Variants in NDST4 observed in about 807,000 individuals in gnomAD.
NDST4 encodes the protein N-deacetylase and N-sulfotransferase 4.
NDST4 carries 63 observed loss-of-function variants against 100.8 expected under a neutral mutation model. The ratio of observed to expected loss-of-function variants is 0.62; its 90% CI spans 0.51 to 0.77. The LOEUF (loss-of-function observed/expected upper bound fraction) is 0.77, where lower values mean the gene tolerates loss of function less well. Ranked by LOEUF, NDST4 falls within the 30% of genes least tolerant of loss-of-function variation. NDST4 has a pLI of 0.00. For synonymous variants in NDST4, 377 were observed against 361.8 expected, an observed-to-expected ratio of 1.04 and a Z score of -0.48; for missense variants, 943 against 1,018.4, an observed-to-expected ratio of 0.93 and a Z score of 1.01.
chr4:114,856,469 A>G (rs1304597134), intron 7 of NDST4, among the ~76,000 whole-genome samples: 1 of 152,220 alleles, frequency 6.6e-6, no homozygotes, highest in Non-Finnish European at 1.5e-5. Flanking sequence ...TTTGACAAAT[A>G]CTTTTAAATA....
intron 4 of NDST4, among the ~76,000 whole-genome samples, chr4:114,946,945 A>G (rs1349682922): frequency 1.3e-5 from 2 of 152,162 alleles, no homozygotes; most frequent in Non-Finnish European, 1.5e-5. Context: ...AGTTGTAATA[A>G]CAGAAGTATG....
chr4:114,901,467 G>C (rs532306732), intron 6 of NDST4, among the ~76,000 whole-genome samples: 14 of 151,976 alleles, frequency 9.2e-5, no homozygotes, highest in African/African-American at 3.4e-4. Flanking sequence ...CTTTTGACTA[G>C]TGTTAGAATG....
At chr4:114,893,078 TC>T (rs200758891) in intron 6 of NDST4, among the ~76,000 whole-genome samples, 2,059 of 152,214 alleles carry the variant, frequency 0.014, 45 homozygotes, top group African/African-American at 0.047. Flanking sequence ...ATGATCTCAT[TC>T]CTTTTTATGG....
chr4:114,868,686 T>C (rs1041558777), intron 7 of NDST4, among the ~76,000 whole-genome samples: 2 of 151,858 alleles, frequency 1.3e-5, no homozygotes, highest in Admixed American at 6.6e-5. Flanking sequence ...AGTAACCATA[T>C]AAATAATATA....
rs144648909 is a variant in NDST4, at chr4:114,860,393, G to T, written c.1720-7572C>A. ...CATCCCCTATTTAGCTTATTATGCA[G>T]ATTCCCAGCTAGAGAGTATATTTCA... is the stretch of plus-strand genomic sequence containing the variant. On this transcript the variant is annotated intron_variant, in intron 7 of 13. Transcript: ENST00000264363. 2.0e-5 allele frequency among the ~76,000 whole-genome samples: 3 copies of T among 152,196 alleles called. No homozygotes were observed. The East Asian group carries it at 5.8e-4, about 29-fold the overall frequency.
At chr4:114,852,920 C>T (rs1177480795) in intron 7 of NDST4, 99 bp from the exon 8 acceptor site, 3 of 723,874 alleles carry the variant, frequency 4.1e-6, no homozygotes, top group Non-Finnish European at 4.5e-6. Flanking sequence ...TGGCCTAATA[C>T]CTTAGAACTT....
chr4:115,076,990 A>G lies in NDST4; in HGVS notation c.47T>C (p.Val16Ala), dbSNP rs1578504630. The change falls in exon 2 of 14, where the codon GTT becomes GCT. Residue 16 changes from valine (V) to alanine (A), a missense_variant. By Grantham distance (64) the Val-to-Ala change is moderately conservative. This residue lies in a region of NDST4 where 417 missense variants were observed against 384.2 expected (regional missense o/e 1.09). Coordinates refer to ENST00000264363, the MANE Select transcript of NDST4 (RefSeq NM_022569.3). ...KLRRSFRTLIVLLATFCLVSI... is the reference protein window; with the variant it reads ...KLRRSFRTLIALLATFCLVSI... ...CACCAAGCAAAAGGTAGCTAAGAGAACAATCAATGTTCGAAAACTTCTCCG... is the reference window on the plus strand; with the variant it reads ...CACCAAGCAAAAGGTAGCTAAGAGAGCAATCAATGTTCGAAAACTTCTCCG... 1 of 1,610,862 alleles carries G rather than the reference A, an allele frequency of 6.2e-7. No homozygotes were observed. Among genetic ancestry groups the G allele is most frequent in the Non-Finnish European group, 8.5e-7 (1 of 1,178,852 alleles).
At chr4:114,979,713 T>G (rs980207122) in intron 2 of NDST4, among the ~76,000 whole-genome samples, 1 of 151,994 alleles carries the variant, frequency 6.6e-6, no homozygotes, top group African/African-American at 2.4e-5. Flanking sequence ...GATGGGGGGC[T>G]AGTTAGCTAT....
intron 13 of NDST4, among the ~76,000 whole-genome samples, chr4:114,828,199 G>T (rs933887337): frequency 6.6e-6 from 1 of 152,016 alleles, no homozygotes; most frequent in Non-Finnish European, 1.5e-5. Flanking sequence ...GATATATGAA[G>T]TCTACACAGA....
intron 2 of NDST4, among the ~76,000 whole-genome samples, chr4:115,020,378 A>G (rs1261223207): frequency 3.3e-5 from 5 of 152,114 alleles, no homozygotes. Context: ...AAAAGGCAGA[A>G]TTTAAGAGTG....
At chr4:114,831,237 A>G (rs1049793471) in intron 12 of NDST4, among the ~76,000 whole-genome samples, 1 of 150,308 alleles carries the variant, frequency 6.7e-6, no homozygotes, top group Non-Finnish European at 1.5e-5. Context: ...TATTTTTAGT[A>G]GAGACGGGGT....
intron 7 of NDST4, among the ~76,000 whole-genome samples, chr4:114,861,891 C>T (rs1053333350): frequency 1.3e-5 from 2 of 152,140 alleles, no homozygotes; most frequent in African/African-American, 4.8e-5. Flanking sequence ...CTTCTTCCCA[C>T]TCTTGTCTCT....
intron 1 of NDST4, among the ~76,000 whole-genome samples, chr4:115,088,011 T>G (rs956468858): frequency 6.6e-6 from 1 of 151,974 alleles, no homozygotes; most frequent in South Asian, 2.1e-4. Context: ...ACACTTAGAT[T>G]ATGATAGTTA....
chr4:114,890,622 C>T (rs1409849647), intron 6 of NDST4, among the ~76,000 whole-genome samples: 1 of 152,076 alleles, frequency 6.6e-6, no homozygotes, highest in Non-Finnish European at 1.5e-5. Context: ...GAGATTTCTG[C>T]AAGTGCTTTC....
chr4:114,854,262 G>C (rs577653946), intron 7 of NDST4, among the ~76,000 whole-genome samples: 1 of 152,126 alleles, frequency 6.6e-6, no homozygotes, highest in African/African-American at 2.4e-5. Context: ...TTCACTTAAC[G>C]TAATATCCTC....
At chr4:114,987,799 C>T (rs1165618637) in intron 2 of NDST4, among the ~76,000 whole-genome samples, 2 of 152,138 alleles carry the variant, frequency 1.3e-5, no homozygotes, top group Non-Finnish European at 2.9e-5. Flanking sequence ...AAACACCCAC[C>T]TCCACTTGCT....
At position 114,906,812 on chromosome 4, in the gene NDST4, T is replaced by C. The variant is rs182767282; in HGVS notation, c.1536+28394A>G. Among the ~76,000 whole-genome samples the C allele has an allele frequency of 6.6e-3, 1,007 of 152,170 alleles. 85 individuals carry two copies. In the South Asian group the frequency reaches 0.17, roughly 26 times the overall value. Reference sequence around the variant, plus strand: ...TCCAATCAACTTGGACTTAAAGGTATCTAGATCCAGCTCTTCTGAAGGGAC... The same window carrying C: ...TCCAATCAACTTGGACTTAAAGGTACCTAGATCCAGCTCTTCTGAAGGGAC... On this transcript the variant is annotated intron_variant, in intron 6 of 13. Transcript: ENST00000264363.
chr4:114,987,225 G>C (rs1214563247), intron 2 of NDST4, among the ~76,000 whole-genome samples: 1 of 151,924 alleles, frequency 6.6e-6, no homozygotes, highest in Admixed American at 6.6e-5. Flanking sequence ...TCTTTTTTGG[G>C]TCAGAGTGGG....
At chr4:115,089,540 A>C (rs1323392420) in intron 1 of NDST4, among the ~76,000 whole-genome samples, 1 of 151,820 alleles carries the variant, frequency 6.6e-6, no homozygotes, top group Non-Finnish European at 1.5e-5. Context: ...TCTTTTTTAT[A>C]ATACCTTTGC....
Sources: allele counts gnomAD v4.1 joint callset (sites outside exome capture counted in the v4.1 genomes callset), GRCh38; gene constraint gnomAD v4.1.1; regional missense constraint gnomAD v4.1.1; transcripts MANE v1.5; gene names NCBI Gene and HGNC (gene_info 2026-07-23, HGNC 2026-07-21).